The following ASXL2 variants were observed in gnomAD, a reference collection of about 807,000 sequenced individuals.
ASXL2 encodes the protein ASXL transcriptional regulator 2.
Under a neutral mutation model 122.0 loss-of-function variants are expected in ASXL2, and 23 were observed. The ratio of observed to expected loss-of-function variants is 0.19; its 90% CI spans 0.14 to 0.27. ASXL2 has a LOEUF of 0.27. Ranked by LOEUF, ASXL2 falls within the 10% of genes least tolerant of loss-of-function variation. The pLI is 1.00. For synonymous variants in ASXL2, 650 were observed against 637.0 expected (o/e 1.02, Z -0.31); for missense variants, 1,518 against 1,713.8 (o/e 0.89, Z 2.02).
intron 8 of ASXL2, among the ~76,000 whole-genome samples, chr2:25,762,711 C>CAT (rs10676252): frequency 0.37 from 45,533 of 124,416 alleles, 7,760 homozygotes; most frequent in African/African-American, 0.45. Context: ...AAACAAGAAA[C>CAT]AGCCATAGGA....
rs201710545 is a variant in ASXL2, at chr2:25,816,750, AAGAC to A, written c.144-10417_144-10414del. On this transcript the variant is annotated intron_variant, in intron 3 of 12. Coordinates refer to ENST00000435504, the MANE Select transcript of ASXL2 (RefSeq NM_018263.6). Reference sequence around the variant, plus strand: ...CTTTCTTAGCAATACTCACTGCCAAAAGACAGCAAAAAAAGTTCTTAAGAGTATG... The same window carrying A: ...CTTTCTTAGCAATACTCACTGCCAAAAGCAAAAAAAGTTCTTAAGAGTATG... Among the ~76,000 whole-genome samples, 358 of 152,368 alleles carry A rather than the reference AAGAC, an allele frequency of 2.3e-3. 5 individuals carry two copies. In the East Asian group the frequency reaches 0.028, roughly 12 times the overall value.
At chr2:25,768,697 C>A in intron 7 of ASXL2, 45 bp downstream of exon 7, 1 of 1,589,438 alleles carries the variant, frequency 6.3e-7, no homozygotes, top group Non-Finnish European at 8.6e-7. Flanking sequence ...CATAAAAATA[C>A]TAGGAAAAAG....
intron 3 of ASXL2, among the ~76,000 whole-genome samples, chr2:25,814,628 G>A (rs141609439): frequency 2.6e-5 from 4 of 152,228 alleles, no homozygotes; most frequent in South Asian, 4.1e-4. Flanking sequence ...TTTATGCGGT[G>A]AGCATGTAAG....
At chr2:25,863,145 C>T (rs1352546865) in intron 1 of ASXL2, among the ~76,000 whole-genome samples, 1 of 151,338 alleles carries the variant, frequency 6.6e-6, no homozygotes, top group Non-Finnish European at 1.5e-5. Flanking sequence ...CTAGCTAACA[C>T]GGTAAAACCC....
intron 5 of ASXL2, among the ~76,000 whole-genome samples, chr2:25,781,897 C>A (rs547191537): frequency 6.8e-6 from 1 of 147,734 alleles, no homozygotes; most frequent in East Asian, 2.0e-4. Context: ...CTCCTGACCT[C>A]GTGATCTGCC....
intron 3 of ASXL2, among the ~76,000 whole-genome samples, chr2:25,807,272 A>G (rs181035053): frequency 5.3e-5 from 8 of 152,294 alleles, no homozygotes; most frequent in African/African-American, 1.9e-4. Flanking sequence ...TCAATAACCA[A>G]AAATAAGCCT....
At position 25,750,292 on chromosome 2, in the gene ASXL2, T is replaced by C. The variant is rs1164358916; in HGVS notation, c.1264A>G (p.Ile422Val). The C allele has an allele frequency of 1.2e-6, 2 of 1,614,034 alleles. No individual in the cohort carries two copies. Among genetic ancestry groups the C allele is most frequent in the Non-Finnish European group, 1.7e-6 (2 of 1,179,888 alleles). Residue 422 changes from isoleucine to valine, a missense_variant, in exon 12 of 13, where the codon ATA becomes GTA. By Grantham distance (29) the Ile-to-Val change is conservative (BLOSUM62 3). Coordinates refer to ENST00000435504, the MANE Select transcript of ASXL2 (RefSeq NM_018263.6). ...TCTGACTGGGAGACTACTGGAACTA[T>C]TCTGATAAGAGAGGCCTCTGACACA... The part of the protein sequence containing the change: ...MPVSEASLIR[I>V]VPVVSQSECK...
In ASXL2 at chr2:25,749,983, G is replaced by A. The variant is rs2088014913; in HGVS notation, c.1573C>T (p.Pro525Ser). The change falls in exon 12 of 13, where the codon CCA becomes TCA. Residue 525 changes from proline to serine, a missense_variant. Around this residue, in one of 8 missense-constraint regions of ASXL2, gnomAD observed 292 missense variants for 293.5 expected, o/e 1.00. Coordinates refer to ENST00000435504, the MANE Select transcript of ASXL2 (RefSeq NM_018263.6). ...SESQESLVTS[P>S]SKPKSPGVEK... The stretch of plus-strand genomic sequence containing the variant: ...ACCCCAGGACTCTTGGGTTTGCTTG[G>A]CGATGTAACTAAAGATTCTTGGCTT... The A allele has an allele frequency of 6.2e-7, 1 of 1,613,956 alleles. No individual in the cohort carries two copies. Among genetic ancestry groups the A allele is most frequent in the African/African-American group, 1.3e-5 (1 of 75,030 alleles).
At chr2:25,754,029 T>C (rs2088091389) in intron 10 of ASXL2, among the ~76,000 whole-genome samples, 1 of 152,242 alleles carries the variant, frequency 6.6e-6, no homozygotes, top group African/African-American at 2.4e-5. Context: ...ATTTTTACTA[T>C]TTTAAAGATC....
intron 5 of ASXL2, among the ~76,000 whole-genome samples, chr2:25,791,829 G>A (rs951317918): frequency 2.0e-5 from 3 of 152,138 alleles, no homozygotes; most frequent in African/African-American, 7.2e-5. Flanking sequence ...AAACACATGT[G>A]ATTTATGAAG....
chr2:25,760,572 T>C (rs750689173), intron 8 of ASXL2, among the ~76,000 whole-genome samples: 7 of 152,234 alleles, frequency 4.6e-5, no homozygotes, highest in Non-Finnish European at 1.5e-5. Flanking sequence ...TACATAAAAC[T>C]ACAGGATCCA....
chr2:25,744,934 T>TCCACACAC lies in ASXL2; in HGVS notation c.1861-466_1861-459dup, dbSNP rs1559498829. 9.7e-6 allele frequency among the ~76,000 whole-genome samples: 1 copy of TCCACACAC among 102,718 alleles called. No homozygotes were observed. Among genetic ancestry groups the TCCACACAC allele is most frequent in the African/African-American group, 3.6e-5 (1 of 27,882 alleles). 67.4% of individuals were successfully genotyped at this position (102,718 alleles called of 152,430 possible). A position where few individuals can be genotyped will look rare whatever the true frequency, so the allele number is the denominator to read the frequency against. On this transcript the variant is annotated intron_variant, in intron 12 of 12. Transcript: ENST00000435504. The surrounding 1 kb of genome is among the most constrained non-coding windows in gnomAD (Gnocchi z 4.7). Reference sequence around the variant, plus strand: ...GGGGAAAATACTTGCTCTTCTCTGTTCCACACACACACACACACACACACA... The same window carrying TCCACACAC: ...GGGGAAAATACTTGCTCTTCTCTGTTCCACACACCCACACACACACACACACACACACA...
intron 4 of ASXL2, among the ~76,000 whole-genome samples, chr2:25,804,676 C>T (rs1481105535): frequency 6.6e-6 from 1 of 152,198 alleles, no homozygotes; most frequent in Non-Finnish European, 1.5e-5. Flanking sequence ...TACTCAAACT[C>T]ATTTGAGTTG....
chr2:25,788,507 C>A lies in ASXL2; in HGVS notation c.403+10878G>T, dbSNP rs114524201. Among the ~76,000 whole-genome samples, 220 of 152,262 alleles carry A rather than the reference C, an allele frequency of 1.4e-3. 1 individual carries two copies. Among genetic ancestry groups the A allele is most frequent in the Non-Finnish European group, 2.3e-3 (153 of 67,994 alleles). ...TAGAATTAGCTATACTATGGACAGA[C>A]AAGCAGTTTTCCAAAGTAGTTGTAC... On this transcript the variant is annotated intron_variant, in intron 5 of 12. Transcript: ENST00000435504.
chr2:25,863,727 C>T (rs1321797751), intron 1 of ASXL2, among the ~76,000 whole-genome samples: 5 of 150,854 alleles, frequency 3.3e-5, no homozygotes, highest in Admixed American at 6.6e-5. Flanking sequence ...AAAAACAGGT[C>T]GGGTGCCGTG....
At chr2:25,854,022 A>C (rs1425941634) in intron 1 of ASXL2, among the ~76,000 whole-genome samples, 1 of 152,212 alleles carries the variant, frequency 6.6e-6, no homozygotes, top group Non-Finnish European at 1.5e-5. Context: ...GAATACTTAA[A>C]TACGAAACCT....
At chr2:25,778,663 C>A (rs1352208681) in intron 5 of ASXL2, among the ~76,000 whole-genome samples, 2 of 152,114 alleles carry the variant, frequency 1.3e-5, no homozygotes, top group African/African-American at 4.8e-5. Context: ...AAAATATATA[C>A]TTAGCACCCA....
At chr2:25,851,432 T>C (rs1413372792) in intron 1 of ASXL2, among the ~76,000 whole-genome samples, 1 of 152,198 alleles carries the variant, frequency 6.6e-6, no homozygotes, top group Non-Finnish European at 1.5e-5. Flanking sequence ...ACATTAAATA[T>C]ATTGAAACAT....
Position 25,737,648 on chromosome 2 carries a change from G to A in ASXL2, c.*4381C>T, listed in dbSNP as rs1040162866. 2.0e-5 allele frequency: 3 copies of A among 152,082 alleles called. No homozygotes were observed. The highest frequency in any genetic ancestry group is 7.2e-5 in the African/African-American group (3 of 41,406). The allele number at this position is 152,082 out of a possible 1,614,324, so 9.4% of individuals were successfully genotyped here. A position where few individuals can be genotyped will look rare whatever the true frequency, so the allele number is the denominator to read the frequency against. On this transcript the variant is annotated 3_prime_UTR_variant, in exon 13 of 13. Coordinates refer to ENST00000435504, the MANE Select transcript of ASXL2 (RefSeq NM_018263.6). ...TTACCCACGCCACTCTCAGATGTAT[G>A]TTAAACCTCAAGATTCACCAAAAAA...
Sources: allele counts gnomAD v4.1 joint callset (sites outside exome capture counted in the v4.1 genomes callset), GRCh38; gene constraint gnomAD v4.1.1; regional missense constraint gnomAD v4.1.1; non-coding constraint Gnocchi (gnomAD v3.1); transcripts MANE v1.5; gene names NCBI Gene and HGNC (gene_info 2026-07-23, HGNC 2026-07-21).